Variants in CRB1 observed in about 807,000 individuals in gnomAD.
CRB1 encodes the protein crumbs cell polarity complex component 1.
Under a neutral mutation model 120.0 loss-of-function variants are expected in CRB1, and 83 were observed. That is an observed-to-expected ratio of 0.69 (90% CI 0.58 to 0.83). The LOEUF (loss-of-function observed/expected upper bound fraction) is 0.83. CRB1 is among the 40% of genes least tolerant of loss of function. CRB1 has a pLI of 0.00. For missense variants in CRB1, 1,699 were observed against 1,687.6 expected (o/e 1.01, Z -0.12); for synonymous variants, 625 against 612.5 (o/e 1.02, Z -0.30).
upstream of CRB1, among the ~76,000 whole-genome samples, chr1:197,263,574 T>G (rs1193472365): frequency 6.6e-6 from 1 of 152,104 alleles, no homozygotes; most frequent in Non-Finnish European, 1.5e-5. Context: ...TTTGTTGCAC[T>G]TTAAATGTAA....
intron 2 of CRB1, among the ~76,000 whole-genome samples, chr1:197,331,478 C>T (rs1434079067): frequency 6.6e-6 from 1 of 152,028 alleles, no homozygotes; most frequent in Non-Finnish European, 1.5e-5. Flanking sequence ...GTATGAAAAG[C>T]TCCTTGTTTG....
intron 1 of CRB1, among the ~76,000 whole-genome samples, chr1:197,289,170 C>G (rs1656017751): frequency 6.6e-6 from 1 of 151,616 alleles, no homozygotes; most frequent in Non-Finnish European, 1.5e-5. Flanking sequence ...ATCCCAAGTA[C>G]AAGAAACACA....
chr1:197,219,786 T>C, the CRB1 span, among the ~76,000 whole-genome samples: 2 of 152,318 alleles, frequency 1.3e-5, no homozygotes, highest in South Asian at 2.1e-4. Flanking sequence ...TGTTTCCCTC[T>C]CTCTGTGCTC....
chr1:197,290,775 A>C (rs953350524), intron 1 of CRB1, among the ~76,000 whole-genome samples: 4 of 151,928 alleles, frequency 2.6e-5, no homozygotes, highest in Non-Finnish European at 5.9e-5. Flanking sequence ...CCCTCTCACT[A>C]AAAATAGAAG....
At chr1:197,274,621 G>C (rs534435669) in intron 1 of CRB1, among the ~76,000 whole-genome samples, 2 of 152,220 alleles carry the variant, frequency 1.3e-5, no homozygotes, top group African/African-American at 4.8e-5. Context: ...GGAAGCCACT[G>C]ATCATTCTAT....
At chr1:197,417,941 G>T (rs1353304786) in intron 5 of CRB1, among the ~76,000 whole-genome samples, 2 of 151,874 alleles carry the variant, frequency 1.3e-5, no homozygotes, top group East Asian at 3.9e-4. Flanking sequence ...TGAAATTTTT[G>T]ATCATTATAT....
At chr1:197,388,612 CGAAAA>C (rs139475289) in intron 5 of CRB1, among the ~76,000 whole-genome samples, 202 of 151,730 alleles carry the variant, frequency 1.3e-3, no homozygotes, top group African/African-American at 4.8e-3. Flanking sequence ...ATAGCCATTC[CGAAAA>C]GAAAAGAAGT....
In CRB1 at chr1:197,268,354, G is replaced by A. The variant is rs1352699134; in HGVS notation, c.-59G>A. On this transcript the variant is annotated 5_prime_UTR_variant, in exon 1 of 12. Coordinates refer to ENST00000367400, the MANE Select transcript of CRB1 (RefSeq NM_201253.3). ...CCTCTCTGAGACAGACAGGGATCAG[G>A]AGCCGGACTGGGACCAGACCACCAG... 7.9e-7 allele frequency: 1 copy of A among 1,269,130 alleles called. No individual in the cohort carries two copies. 78.6% of individuals were successfully genotyped at this position (1,269,130 alleles called of 1,614,324 possible).
intron 1 of CRB1, among the ~76,000 whole-genome samples, chr1:197,283,625 GGATA>G (rs1485374630): frequency 6.6e-6 from 1 of 151,598 alleles, no homozygotes; most frequent in Non-Finnish European, 1.5e-5. Context: ...CTATCTAGAT[GGATA>G]GATATATATC....
intron 4 of CRB1, among the ~76,000 whole-genome samples, chr1:197,351,100 G>A (rs942934601): frequency 6.6e-6 from 1 of 150,546 alleles, no homozygotes; most frequent in African/African-American, 2.5e-5. Context: ...CCAGCACTTT[G>A]GGAGACCAAA....
chr1:197,413,816 A>G lies in CRB1; in HGVS notation c.1172-7184A>G, dbSNP rs528247309. ...GGAAATGAGTCAAAACCAAGTCCCC[A>G]TACTCTCTACCTGCGAGAAAGAGGT... On this transcript the variant is annotated intron_variant, in intron 5 of 11. Transcript: ENST00000367400. 8 of 420,880 alleles carry G rather than the reference A, an allele frequency of 1.9e-5. No individual in the cohort carries two copies. In the Admixed American group the frequency reaches 2.0e-4, roughly 11 times the overall value. 26.1% of individuals were successfully genotyped at this position (420,880 alleles called of 1,614,324 possible).
intron 6 of CRB1, among the ~76,000 whole-genome samples, chr1:197,425,686 C>T (rs1466179370): frequency 6.6e-6 from 1 of 152,092 alleles, no homozygotes; most frequent in African/African-American, 2.4e-5. Flanking sequence ...ACTATTTTCT[C>T]ACTAGGCTTA....
chr1:197,429,364 A>T, intron 7 of CRB1, 85 bp from the exon 8 acceptor site: 1 of 1,520,156 alleles, frequency 6.6e-7, no homozygotes, highest in South Asian at 1.1e-5. Flanking sequence ...TAGCATTTTA[A>T]AAAAACAGAT....
At chr1:197,476,422 C>T (rs1184839531) in intron 11 of CRB1, among the ~76,000 whole-genome samples, 1 of 151,548 alleles carries the variant, frequency 6.6e-6, no homozygotes, top group African/African-American at 2.4e-5. Context: ...TCTCCTATCT[C>T]CAGAATTTGA....
chr1:197,472,905 G>A (rs891891026), intron 11 of CRB1, among the ~76,000 whole-genome samples: 8 of 152,126 alleles, frequency 5.3e-5, no homozygotes, highest in African/African-American at 1.9e-4. Flanking sequence ...TAATCACATG[G>A]ATCAAAGTTC....
the CRB1 span, among the ~76,000 whole-genome samples, chr1:197,203,784 G>A: frequency 2.0e-5 from 3 of 152,318 alleles, no homozygotes; most frequent in Non-Finnish European, 2.9e-5. Flanking sequence ...TAAATCCTAT[G>A]GATTAATTAC....
chr1:197,267,823 A>G (rs1166223465), upstream of CRB1, among the ~76,000 whole-genome samples: 1 of 152,178 alleles, frequency 6.6e-6, no homozygotes, highest in Non-Finnish European at 1.5e-5. Context: ...CCCCTGAATG[A>G]TCTTCAGAAC....
intron 1 of CRB1, among the ~76,000 whole-genome samples, chr1:197,273,983 A>G (rs993507563): frequency 3.3e-5 from 5 of 152,146 alleles, no homozygotes; most frequent in Admixed American, 3.3e-4. Context: ...TCTCAGCTGA[A>G]AGAGCACAGA....
chr1:197,473,463 CTCTT>C (rs1667066308), intron 11 of CRB1, among the ~76,000 whole-genome samples: 1 of 152,136 alleles, frequency 6.6e-6, no homozygotes, highest in Non-Finnish European at 1.5e-5. Flanking sequence ...AGAATAAATT[CTCTT>C]TGAGGAGAAC....
Sources: allele counts gnomAD v4.1 joint callset (sites outside exome capture counted in the v4.1 genomes callset), GRCh38; gene constraint gnomAD v4.1.1; transcripts MANE v1.5; gene names NCBI Gene and HGNC (gene_info 2026-07-23, HGNC 2026-07-21).